OIP5: variants seen among roughly 807,000 people sequenced by gnomAD.
OIP5 encodes the protein Opa interacting protein 5.
Under a neutral mutation model 20.3 loss-of-function variants are expected in OIP5, and 24 were observed. The ratio of observed to expected loss-of-function variants is 1.18; its 90% confidence interval spans 0.86 to 1.66. OIP5 has a LOEUF of 1.66. Among genes scored for constraint, OIP5 ranks in the 40% most tolerant of loss-of-function variants. The pLI is 0.00. For missense variants in OIP5, 339 were observed against 289.5 expected (o/e 1.17, Z -1.24); for synonymous variants, 143 against 121.3 (o/e 1.18, Z -1.17).
At chr15:41,325,851 A>G (rs1349051220) in intron 2 of OIP5, among the ~76,000 whole-genome samples, 1 of 144,184 alleles carries the variant, frequency 6.9e-6, no homozygotes. Context: ...CTCCGTCTCA[A>G]AAAAAAAAAA....
At chr15:41,328,573 T>A (rs1359481740) in intron 2 of OIP5, among the ~76,000 whole-genome samples, 1 of 152,162 alleles carries the variant, frequency 6.6e-6, no homozygotes, top group Non-Finnish European at 1.5e-5. Flanking sequence ...TTAGTTACAA[T>A]AAATCCTCTA....
chr15:41,331,217 C>T (rs1272489318), intron 2 of OIP5, among the ~76,000 whole-genome samples: 1 of 152,192 alleles, frequency 6.6e-6, no homozygotes, highest in Non-Finnish European at 1.5e-5. Flanking sequence ...TCACTGACTA[C>T]TTTATTGTCA....
chr15:41,318,897 C>G (rs182594990), intron 3 of OIP5, among the ~76,000 whole-genome samples: 142 of 151,596 alleles, frequency 9.4e-4, no homozygotes, highest in African/African-American at 3.4e-3. Context: ...AAACAGGAGT[C>G]TCACTATATT....
At chr15:41,332,149 T>A in intron 1 of OIP5, 91 bp downstream of exon 1, 1 of 1,423,916 alleles carries the variant, frequency 7.0e-7, no homozygotes, top group Non-Finnish European at 9.6e-7. Context: ...CCCGTTTTCT[T>A]CCCCAGGTGG....
intron 3 of OIP5, among the ~76,000 whole-genome samples, chr15:41,314,611 G>A (rs919535006): frequency 2.0e-5 from 3 of 151,526 alleles, no homozygotes; most frequent in African/African-American, 4.8e-5. Flanking sequence ...AGACCAGCCT[G>A]GGCAACATAG....
chr15:41,332,253 G>C lies in OIP5; in HGVS notation c.309C>G (p.Ala103=), dbSNP rs778640090. ...CACTGCACTCACTGGAGAAGACCAC[G>C]GCCCCGAGGGACCGCGACAGGTCCC... ...LAWDLSRSLG[A]VVFSRVTNNV... Residue 103 remains alanine (A), a synonymous_variant, in exon 1 of 5, where the codon GCC becomes GCG. Transcript: ENST00000220514. The C allele has an allele frequency of 2.6e-6, 4 of 1,546,480 alleles. No homozygotes were observed. Among genetic ancestry groups the C allele is most frequent in the Non-Finnish European group, 3.5e-6 (4 of 1,148,174 alleles).
intron 3 of OIP5, among the ~76,000 whole-genome samples, chr15:41,318,376 G>A (rs1036849218): frequency 6.6e-5 from 10 of 152,170 alleles, no homozygotes; most frequent in Admixed American, 5.2e-4. Context: ...TGGCCAAGCT[G>A]GTCTCGAACT....
intron 2 of OIP5, among the ~76,000 whole-genome samples, chr15:41,323,189 T>G (rs1235107762): frequency 6.6e-6 from 1 of 152,018 alleles, no homozygotes; most frequent in Admixed American, 6.6e-5. Context: ...AATGTCTCAG[T>G]GGAAATTAAT....
chr15:41,322,461 C>A (rs1033710353), intron 2 of OIP5, among the ~76,000 whole-genome samples: 1 of 151,982 alleles, frequency 6.6e-6, no homozygotes, highest in Non-Finnish European at 1.5e-5. Flanking sequence ...CGTAGTGATA[C>A]AATCATAGCT....
rs201962885 is a variant in OIP5, at chr15:41,332,533, G to C, written c.29C>G (p.Ser10Ter). 42 of 1,610,696 alleles carry C rather than the reference G, an allele frequency of 2.6e-5. No homozygotes were observed. In the Middle Eastern group the frequency reaches 1.2e-3, roughly 44 times the overall value. ...CCCCCGGGGCGGCGTTGCACAACGT[G>C]AGCGATGCCGCAGCGGCTGAGCCGC... MAAQPLRHR[S>*]RCATPPRGDF... Residue 10 changes from serine to a stop codon, truncating the protein, a stop_gained, in exon 1 of 5, where the codon TCA becomes TGA. Transcript: ENST00000220514. LOFTEE classifies it high-confidence loss of function.
rs2047742728 is a variant in OIP5, at chr15:41,309,778, A to G, written c.666T>C (p.Pro222=). The G allele has an allele frequency of 6.2e-7, 1 of 1,613,932 alleles. No individual in the cohort carries two copies. Among genetic ancestry groups the G allele is most frequent in the South Asian group, 1.1e-5 (1 of 91,084 alleles). ...ATCAGTTTTCTGGCTTGGACTGGTC[A>G]GGAGTCACTTCACTCAGAATCTTCA... ...SLMKILSEVT[P]DQSKPEN is the part of the protein sequence containing the mutation. Residue 222 remains proline, a synonymous_variant, in exon 5 of 5, where the codon CCT becomes CCC. Transcript: ENST00000220514.
At chr15:41,316,908 T>G (rs1053421762) in intron 3 of OIP5, among the ~76,000 whole-genome samples, 1 of 152,038 alleles carries the variant, frequency 6.6e-6, no homozygotes, top group Non-Finnish European at 1.5e-5. Flanking sequence ...CTTTGAGCCC[T>G]AGTTTTCTTA....
chr15:41,315,099 CAAAAAAA>C (rs761038863), intron 3 of OIP5, among the ~76,000 whole-genome samples: 2 of 57,694 alleles, frequency 3.5e-5, no homozygotes, highest in African/African-American at 1.3e-4. Context: ...GACCCTGTCT[CAAAAAAA>C]AAAAAAAAAA....
intron 2 of OIP5, among the ~76,000 whole-genome samples, chr15:41,324,653 C>T (rs770849755): frequency 1.3e-5 from 2 of 152,022 alleles, no homozygotes; most frequent in South Asian, 4.2e-4. Context: ...CCATGCCCGG[C>T]TAATTTTGTA....
rs1460700537 is a variant in OIP5 at position 41,313,286 on chromosome 15, T to G, written c.581A>C (p.Glu194Ala). Residue 194 changes from glutamate (E) to alanine (A), a missense_variant, in exon 4 of 5, where the codon GAA becomes GCA. Transcript: ENST00000220514. ...EMDIQNVPLSEKIAELKEKIV... is the reference protein window; with the variant it reads ...EMDIQNVPLSAKIAELKEKIV... ...ATGAAATTTTACCTCTGCAATCTTTTCTGATAGAGGAACATTTTGAATATC... is the reference window on the plus strand; with the variant it reads ...ATGAAATTTTACCTCTGCAATCTTTGCTGATAGAGGAACATTTTGAATATC... 3 of 1,598,400 alleles carry G rather than the reference T, an allele frequency of 1.9e-6. No individual in the cohort carries two copies. The East Asian group carries it at 6.7e-5, about 36-fold the overall frequency.
chr15:41,315,445 T>C (rs578222045), intron 3 of OIP5, among the ~76,000 whole-genome samples: 82 of 150,550 alleles, frequency 5.4e-4, no homozygotes, highest in African/African-American at 1.9e-3. Flanking sequence ...AAAAAAAAAA[T>C]TTATGCTGAT....
intron 2 of OIP5, among the ~76,000 whole-genome samples, chr15:41,324,534 A>C (rs1460667904): frequency 6.6e-6 from 1 of 151,990 alleles, no homozygotes; most frequent in African/African-American, 2.4e-5. Context: ...TTGTTGCCCA[A>C]GGTGGAGTGC....
At chr15:41,311,873 ATTCT>A (rs893075644) in intron 4 of OIP5, among the ~76,000 whole-genome samples, 2 of 98,824 alleles carry the variant, frequency 2.0e-5, no homozygotes, top group African/African-American at 5.7e-5. Flanking sequence ...GCCAATAAGA[ATTCT>A]TTTTTTTTTT....
Position 41,322,095 on chromosome 15 carries a change from G to C in OIP5, c.390-2315C>G, listed in dbSNP as rs139178914. On this transcript the variant is annotated intron_variant, in intron 2 of 4. Coordinates refer to ENST00000220514, the MANE Select transcript of OIP5 (RefSeq NM_007280.2). ...TTTTAGCTCTCATTACAATTCTTGA[G>C]CAAGTCATCATATTTGCTGGTATAT... 3.7e-3 allele frequency among the ~76,000 whole-genome samples: 567 copies of C among 152,190 alleles called. 4 individuals are homozygous for C. Among genetic ancestry groups the C allele is most frequent in the African/African-American group, 0.013 (545 of 41,530 alleles).
Sources: gnomAD v4.1 joint callset for allele counts (sites outside exome capture counted in the v4.1 genomes callset) on GRCh38, gnomAD v4.1.1 for gene constraint, MANE v1.5 for transcripts, NCBI Gene and HGNC (gene_info 2026-07-23, HGNC 2026-07-21) for gene names.